The following KATNIP variants were observed in gnomAD, a reference collection of about 807,000 sequenced individuals.
The protein encoded by KATNIP is katanin interacting protein, also known as katanin-interacting protein.
A neutral mutation model predicts 174.0 loss-of-function variants in KATNIP; 126 were observed. The ratio of observed to expected loss-of-function variants is 0.72; its 90% CI spans 0.63 to 0.84. The LOEUF is 0.84. KATNIP is among the 40% of genes least tolerant of loss of function. The pLI, the probability that KATNIP is intolerant of heterozygous loss-of-function variation, is 0.00. For synonymous variants in KATNIP, 810 were observed against 835.7 expected, an observed-to-expected ratio of 0.97 and a Z score of 0.53; for missense variants, 1,958 against 2,109.7, an observed-to-expected ratio of 0.93 and a Z score of 1.41.
chr16:27,641,386 C>G (rs2076792235), intron 5 of KATNIP, among the ~76,000 whole-genome samples: 1 of 152,090 alleles, frequency 6.6e-6, no homozygotes, highest in South Asian at 2.1e-4. Context: ...GTTCCGCCAC[C>G]CTGCTACCAC....
At chr16:27,746,638 C>T (rs1597362805) in intron 15 of KATNIP, among the ~76,000 whole-genome samples, 1 of 152,356 alleles carries the variant, frequency 6.6e-6, no homozygotes, top group East Asian at 1.9e-4. Context: ...GCAGAGAAGG[C>T]CTCTCCAAGG....
chr16:27,659,999 T>C, intron 6 of KATNIP: 1 of 984,898 alleles, frequency 1.0e-6, no homozygotes, highest in Non-Finnish European at 1.2e-6. Flanking sequence ...TTATATAACA[T>C]TACGCCTCCT....
intron 14 of KATNIP, among the ~76,000 whole-genome samples, chr16:27,737,663 A>G (rs2080948044): frequency 6.6e-6 from 1 of 152,162 alleles, no homozygotes; most frequent in African/African-American, 2.4e-5. Context: ...GCGAGGCAGG[A>G]GGAAAGCCAG....
chr16:27,617,613 A>G (rs184735548), intron 2 of KATNIP, among the ~76,000 whole-genome samples: 43 of 152,368 alleles, frequency 2.8e-4, no homozygotes, highest in African/African-American at 8.9e-4. Flanking sequence ...TTGGCAGAAG[A>G]GGAGACACAG....
At chr16:27,600,992 CA>C in intron 2 of KATNIP, among the ~76,000 whole-genome samples, 1 of 152,298 alleles carries the variant, frequency 6.6e-6, no homozygotes, top group South Asian at 2.1e-4. Flanking sequence ...CTCAGCCTCC[CA>C]AAGTGCTGGG....
chr16:27,682,191 T>A (rs1384698514), intron 8 of KATNIP, among the ~76,000 whole-genome samples: 2 of 152,240 alleles, frequency 1.3e-5, no homozygotes, highest in Non-Finnish European at 2.9e-5. Flanking sequence ...GAGTCGATGG[T>A]GAACAGACCA....
intron 13 of KATNIP, among the ~76,000 whole-genome samples, chr16:27,720,736 A>G (rs980239396): frequency 6.6e-6 from 1 of 152,074 alleles, no homozygotes; most frequent in Admixed American, 6.5e-5. Flanking sequence ...TAAGAAGAGA[A>G]TTGCAAGCAA....
At chr16:27,733,338 A>G (rs2080766604) in intron 14 of KATNIP, among the ~76,000 whole-genome samples, 2 of 152,156 alleles carry the variant, frequency 1.3e-5, no homozygotes, top group South Asian at 4.1e-4. Flanking sequence ...TTAAAAATGC[A>G]TTACAGTTTC....
At chr16:27,713,404 C>A (rs1289103998) in intron 13 of KATNIP, among the ~76,000 whole-genome samples, 1 of 151,694 alleles carries the variant, frequency 6.6e-6, no homozygotes, top group Non-Finnish European at 1.5e-5. Flanking sequence ...GTAAAAATAT[C>A]CACATGTCAA....
At position 27,618,493 on chromosome 16, in the gene KATNIP, G is replaced by A; in HGVS notation, c.132G>A (p.Gln44=). 1 of 1,611,288 alleles carries A rather than the reference G, an allele frequency of 6.2e-7. No homozygotes were observed. The highest frequency in any genetic ancestry group is 1.1e-5 in the South Asian group (1 of 91,004). ...ATGAGTATTTAATATTGCTTCAGCA[G>A]AGGAACCGGTAAGAGAAGCCACTCG... The part of the protein sequence containing the change: ...KHDEYLILLQ[Q]RNRILKHLKS... Residue 44 remains glutamine, a synonymous_variant, in exon 3 of 28, where the codon CAG becomes CAA. Transcript: ENST00000261588.
At chr16:27,590,774 C>T (rs914564060) in intron 2 of KATNIP, among the ~76,000 whole-genome samples, 2 of 151,972 alleles carry the variant, frequency 1.3e-5, no homozygotes, top group Admixed American at 6.5e-5. Flanking sequence ...AGCCCGGGCC[C>T]ACCTTCACCT....
chr16:27,731,120 AC>A (rs572878350), intron 14 of KATNIP, among the ~76,000 whole-genome samples: 2,367 of 151,750 alleles, frequency 0.016, 59 homozygotes, highest in African/African-American at 0.053. Flanking sequence ...ACAGGCCAGG[AC>A]CCCCCCGTCC....
chr16:27,766,509 C>A (rs757467915), intron 20 of KATNIP, 35 bp downstream of exon 20: 1 of 1,591,112 alleles, frequency 6.3e-7, no homozygotes, highest in South Asian at 1.1e-5. Flanking sequence ...CTCAGTCCAG[C>A]ATCAGGGAAG....
In KATNIP at chr16:27,767,322, G is replaced by A. The variant is rs138567155; in HGVS notation, c.3975+848G>A. Among the ~76,000 whole-genome samples, 18 of 152,254 alleles carry A rather than the reference G, an allele frequency of 1.2e-4. No homozygotes were observed. The East Asian group carries it at 2.1e-3, about 18-fold the overall frequency. On this transcript the variant is annotated intron_variant, in intron 20 of 27. Coordinates refer to ENST00000261588, the MANE Select transcript of KATNIP (RefSeq NM_015202.5). ...CCTGCCACGGCGGATTGGCATCACC[G>A]TTGCCAGGTAACAGTTGACAAAGCC...
At chr16:27,768,882 G>A (rs1358285939) in intron 20 of KATNIP, among the ~76,000 whole-genome samples, 1 of 152,240 alleles carries the variant, frequency 6.6e-6, no homozygotes, top group Non-Finnish European at 1.5e-5. Context: ...CTAGAGGAAA[G>A]GCACCAGTTG....
intron 13 of KATNIP, among the ~76,000 whole-genome samples, chr16:27,715,240 C>T (rs143707272): frequency 6.6e-6 from 1 of 152,122 alleles, no homozygotes; most frequent in African/African-American, 2.4e-5. Context: ...TTTCCACATG[C>T]GAGAAAATGA....
intron 14 of KATNIP, among the ~76,000 whole-genome samples, chr16:27,730,835 G>A (rs749380698): frequency 1.1e-4 from 16 of 152,158 alleles, no homozygotes; most frequent in Non-Finnish European, 1.6e-4. Flanking sequence ...CAATGTGTTC[G>A]GTTTTGGTCC....
chr16:27,737,337 G>A (rs577723446), intron 14 of KATNIP, among the ~76,000 whole-genome samples: 1 of 152,228 alleles, frequency 6.6e-6, no homozygotes, highest in African/African-American at 2.4e-5. Flanking sequence ...AACCCTGATC[G>A]AGCCACTGTA....
intron 8 of KATNIP, among the ~76,000 whole-genome samples, chr16:27,684,642 G>A (rs1476393981): frequency 1.3e-5 from 2 of 152,212 alleles, no homozygotes; most frequent in African/African-American, 2.4e-5. Context: ...CAGTTCTCAA[G>A]GCTCCAAGTC....
Sources: allele counts gnomAD v4.1 joint callset (sites outside exome capture counted in the v4.1 genomes callset), GRCh38; gene constraint gnomAD v4.1.1; transcripts MANE v1.5; gene names NCBI Gene and HGNC (gene_info 2026-07-23, HGNC 2026-07-21).